The following ARHGAP32 variants were observed in gnomAD, a reference collection of about 807,000 sequenced individuals.
ARHGAP32 encodes the protein rho GTPase-activating protein 32.
In ARHGAP32, 51 loss-of-function variants were observed where a neutral mutation model predicts 186.5. That is an observed-to-expected ratio of 0.27 (90% confidence interval 0.22 to 0.35). ARHGAP32 has a LOEUF of 0.35. ARHGAP32 is among the 10% of genes least tolerant of loss of function. The pLI, the probability that ARHGAP32 is intolerant of heterozygous loss-of-function variation, is 1.00. For synonymous variants in ARHGAP32, 950 were observed against 964.3 expected (o/e 0.99, Z 0.27); for missense variants, 2,186 against 2,623.5 (o/e 0.83, Z 3.64).
At position 129,148,208 on chromosome 11, in the gene ARHGAP32, G is replaced by A. The variant is rs146120487; in HGVS notation, c.225+16111C>T. ...AAGAACCACCAAAGAAATGTATCAG[G>A]AAAATCAAAAGAATTCAAAGATCTT... is the stretch of plus-strand genomic sequence containing the variant. On this transcript the variant is annotated intron_variant, in intron 2 of 22. Coordinates refer to ENST00000682385, the MANE Select transcript of ARHGAP32 (RefSeq NM_001378024.1). 1.8e-3 allele frequency among the ~76,000 whole-genome samples: 278 copies of A among 152,226 alleles called. 3 individuals are homozygous for A. Among genetic ancestry groups the A allele is most frequent in the African/African-American group, 6.4e-3 (266 of 41,522 alleles).
chr11:129,096,194 A>C (rs1243364157), intron 5 of ARHGAP32, among the ~76,000 whole-genome samples: 1 of 152,242 alleles, frequency 6.6e-6, no homozygotes, highest in Admixed American at 6.5e-5. Flanking sequence ...GGTAAAATAA[A>C]GCAGACACAG....
At chr11:129,232,703 A>G (rs1260207132) in intron 1 of ARHGAP32, among the ~76,000 whole-genome samples, 1 of 152,196 alleles carries the variant, frequency 6.6e-6, no homozygotes, top group African/African-American at 2.4e-5. Context: ...GTTGTTGGCT[A>G]AATTCACTTC....
intron 11 of ARHGAP32, among the ~76,000 whole-genome samples, chr11:129,036,380 C>CAAAAAAA (rs58678377): frequency 6.1e-5 from 6 of 98,680 alleles, no homozygotes; most frequent in East Asian, 3.0e-4. Context: ...AACTCCGTCT[C>CAAAAAAA]AAAAAAAAAA....
At chr11:129,124,326 G>A (rs529107816) in intron 3 of ARHGAP32, among the ~76,000 whole-genome samples, 1 of 152,252 alleles carries the variant, frequency 6.6e-6, no homozygotes, top group South Asian at 2.1e-4. Context: ...GTGCTGCCAT[G>A]TTGGCACTCA....
At chr11:128,971,346 C>G in intron 22 of ARHGAP32, 187 bp from the exon 23 acceptor site, 1 of 548,086 alleles carries the variant, frequency 1.8e-6, no homozygotes, top group Non-Finnish European at 3.2e-6. Context: ...TTGTACAACA[C>G]CCAGTATTAT....
intron 5 of ARHGAP32, among the ~76,000 whole-genome samples, chr11:129,105,557 A>G (rs1234409415): frequency 6.6e-6 from 1 of 152,184 alleles, no homozygotes; most frequent in Admixed American, 6.5e-5. Flanking sequence ...AAGAAGAAAG[A>G]CTTTACTAAA....
intron 1 of ARHGAP32, among the ~76,000 whole-genome samples, chr11:129,261,747 A>C (rs1945322764): frequency 6.6e-6 from 1 of 152,206 alleles, no homozygotes; most frequent in Non-Finnish European, 1.5e-5. Flanking sequence ...TGAAAAGGCA[A>C]TTTGTTCTGT....
At chr11:129,219,264 AG>A (rs1210048395) in intron 1 of ARHGAP32, among the ~76,000 whole-genome samples, 2 of 152,186 alleles carry the variant, frequency 1.3e-5, no homozygotes, top group African/African-American at 4.8e-5. Context: ...TTCAGTTGCA[AG>A]TACCTAGGAC....
At chr11:128,998,953 A>ATTGT (rs1019842486) in intron 11 of ARHGAP32, among the ~76,000 whole-genome samples, 2 of 152,152 alleles carry the variant, frequency 1.3e-5, no homozygotes, top group Non-Finnish European at 2.9e-5. Flanking sequence ...CCCTGTGATG[A>ATTGT]TTGTGTTAAC....
chr11:129,143,536 T>C (rs925962327), intron 2 of ARHGAP32, among the ~76,000 whole-genome samples: 1 of 152,190 alleles, frequency 6.6e-6, no homozygotes. Context: ...GGTGACTCAC[T>C]TGGGAGTCAT....
At chr11:129,111,170 T>C (rs887038378) in intron 5 of ARHGAP32, among the ~76,000 whole-genome samples, 5 of 152,210 alleles carry the variant, frequency 3.3e-5, no homozygotes, top group African/African-American at 1.2e-4. Context: ...TTCTGTGTCT[T>C]TGAGAGGAAA....
chr11:129,123,562 T>C lies in ARHGAP32; in HGVS notation c.360-32A>G, dbSNP rs576055317. 1.1e-5 allele frequency: 17 copies of C among 1,564,940 alleles called. No homozygotes were observed. The highest frequency in any genetic ancestry group is 1.1e-4 in the African/African-American group (8 of 73,920). ...CACATGAAATAAATAAGAAACGAGA[T>C]AGTGAAACAGTAAAAATTACTAAGT... On this transcript the variant is annotated intron_variant, in intron 4 of 22. Transcript: ENST00000682385. This position sits in a 1 kb window ranked among gnomAD's most constrained non-coding sequence, Gnocchi z 4.6.
intron 1 of ARHGAP32, among the ~76,000 whole-genome samples, chr11:129,242,771 T>TA (rs1252909524): frequency 2.6e-5 from 4 of 151,912 alleles, no homozygotes; most frequent in African/African-American, 9.7e-5. Flanking sequence ...TTCTGGTTAT[T>TA]AATGACAGTT....
At chr11:129,273,847 G>T (rs1409345697) in intron 1 of ARHGAP32, among the ~76,000 whole-genome samples, 5 of 152,086 alleles carry the variant, frequency 3.3e-5, no homozygotes, top group Admixed American at 6.6e-5. Flanking sequence ...TTCTCTCCTA[G>T]AGTATGATGC....
At chr11:129,192,806 G>GT (rs1453776310), upstream of ARHGAP32, among the ~76,000 whole-genome samples, 2 of 152,152 alleles carry the variant, frequency 1.3e-5, no homozygotes, top group African/African-American at 4.8e-5. Context: ...AGTATCCAGA[G>GT]TGAGACATAA....
At chr11:129,246,905 G>A (rs1254026424) in intron 1 of ARHGAP32, among the ~76,000 whole-genome samples, 1 of 152,170 alleles carries the variant, frequency 6.6e-6, no homozygotes, top group African/African-American at 2.4e-5. Context: ...AAGAGAAGAT[G>A]TGTATCATAA....
At chr11:129,071,913 C>T (rs768482990) in intron 6 of ARHGAP32, among the ~76,000 whole-genome samples, 1 of 152,128 alleles carries the variant, frequency 6.6e-6, no homozygotes, top group Non-Finnish European at 1.5e-5. Flanking sequence ...TGCAACAACA[C>T]TGATAAATCT....
chr11:128,977,765 C>T (rs891248109), intron 19 of ARHGAP32, among the ~76,000 whole-genome samples: 1 of 152,000 alleles, frequency 6.6e-6, no homozygotes, highest in Non-Finnish European at 1.5e-5. Flanking sequence ...CAGCCTCAAC[C>T]TCCTGGGCTC....
chr11:129,179,182 C>T (rs1943991593), intron 1 of ARHGAP32, among the ~76,000 whole-genome samples: 2 of 152,132 alleles, frequency 1.3e-5, no homozygotes, highest in Admixed American at 1.3e-4. Context: ...AGCCAAAAAA[C>T]ATATGAAAAA....
Sources: gnomAD v4.1 joint callset for allele counts (sites outside exome capture counted in the v4.1 genomes callset) on GRCh38, gnomAD v4.1.1 for gene constraint, Gnocchi (gnomAD v3.1) non-coding constraint, MANE v1.5 for transcripts, NCBI Gene and HGNC (gene_info 2026-07-23, HGNC 2026-07-21) for gene names.